ADAM12: variants seen among roughly 807,000 people sequenced by gnomAD.
ADAM12 encodes ADAM metallopeptidase domain 12.
Under a neutral mutation model 106.4 loss-of-function variants are expected in ADAM12, and 70 were observed. The ratio of observed to expected loss-of-function variants is 0.66; its 90% CI spans 0.54 to 0.80. ADAM12 has a LOEUF of 0.80. ADAM12 is among the 30% of genes least tolerant of loss of function. ADAM12 has a pLI of 0.00. For missense variants in ADAM12, 1,010 were observed against 1,171.9 expected (o/e 0.86, Z 2.02); for synonymous variants, 420 against 433.5 (o/e 0.97, Z 0.39).
intron 1 of ADAM12, among the ~76,000 whole-genome samples, chr10:126,382,945 A>G (rs1456108745): frequency 6.6e-6 from 1 of 152,148 alleles, no homozygotes; most frequent in Non-Finnish European, 1.5e-5. Context: ...ATAAAATTTA[A>G]AATTATTTAT....
chr10:126,223,626 C>G (rs141802346), intron 3 of ADAM12, among the ~76,000 whole-genome samples: 33 of 152,190 alleles, frequency 2.2e-4, no homozygotes, highest in Non-Finnish European at 4.1e-4. Flanking sequence ...CTCTATAGTA[C>G]GAGAAGAGCA....
intron 22 of ADAM12, among the ~76,000 whole-genome samples, chr10:126,018,428 C>T (rs551196657): frequency 1.3e-5 from 2 of 152,268 alleles, no homozygotes; most frequent in East Asian, 3.9e-4. Context: ...TTCAAGCTAC[C>T]ACCTGACATC....
At chr10:126,309,822 T>C (rs1251533909) in intron 2 of ADAM12, among the ~76,000 whole-genome samples, 2 of 152,120 alleles carry the variant, frequency 1.3e-5, no homozygotes, top group Admixed American at 6.6e-5. Flanking sequence ...TTGCAAAATA[T>C]TAGAACTGCA....
rs931556920 is a variant in ADAM12, at chr10:126,014,303, G to C, written c.*2976C>G. The C allele has an allele frequency of 9.1e-6, 1 of 109,816 alleles. No individual in the cohort carries two copies. Among genetic ancestry groups the C allele is most frequent in the Non-Finnish European group, 1.9e-5 (1 of 54,014 alleles). The allele number at this position is 109,816 out of a possible 1,614,324, so 6.8% of individuals were successfully genotyped here. A position where few individuals can be genotyped will look rare whatever the true frequency, so the allele number is the denominator to read the frequency against. On this transcript the variant is annotated 3_prime_UTR_variant, in exon 23 of 23. Coordinates refer to ENST00000448723, the MANE Select transcript of ADAM12 (RefSeq NM_001288973.2). ...GGCTCCTTAAGAACATTTTGACACA[G>C]TTTTAGCCGGTTTTTTTTTTTTTTT...
intron 3 of ADAM12, among the ~76,000 whole-genome samples, chr10:126,249,689 G>A (rs1350744578): frequency 2.0e-5 from 3 of 152,076 alleles, no homozygotes; most frequent in Admixed American, 6.5e-5. Context: ...GCCAGACTCC[G>A]TCTCAAAAAA....
chr10:126,138,210 G>A (rs1956441579), intron 4 of ADAM12, among the ~76,000 whole-genome samples: 1 of 152,110 alleles, frequency 6.6e-6, no homozygotes, highest in Admixed American at 6.5e-5. Flanking sequence ...TTGAAGAAAT[G>A]TCTACTCAAA....
At chr10:126,025,308 C>T (rs1953848076) in intron 21 of ADAM12, among the ~76,000 whole-genome samples, 1 of 152,098 alleles carries the variant, frequency 6.6e-6, no homozygotes, top group Non-Finnish European at 1.5e-5. Flanking sequence ...CATGATAAAA[C>T]AATACAGGAG....
At chr10:126,047,527 T>C (rs1408788360) in intron 16 of ADAM12, among the ~76,000 whole-genome samples, 3 of 152,078 alleles carry the variant, frequency 2.0e-5, no homozygotes, top group African/African-American at 7.3e-5. Flanking sequence ...ACAAATTTGA[T>C]GATAAATTGA....
chr10:126,209,466 AAAAT>A (rs1297049627), intron 3 of ADAM12, among the ~76,000 whole-genome samples: 6 of 152,248 alleles, frequency 3.9e-5, no homozygotes, highest in Non-Finnish European at 7.3e-5. Flanking sequence ...GATGGTGAGA[AAAAT>A]AAATCACTGG....
At chr10:126,169,223 A>G (rs923990833) in intron 3 of ADAM12, among the ~76,000 whole-genome samples, 1 of 151,998 alleles carries the variant, frequency 6.6e-6, no homozygotes, top group Non-Finnish European at 1.5e-5. Flanking sequence ...TGCCTCGCCA[A>G]CTCTTAGTAA....
chr10:126,366,713 T>A (rs1013977680), intron 1 of ADAM12, among the ~76,000 whole-genome samples: 2 of 151,984 alleles, frequency 1.3e-5, no homozygotes, highest in East Asian at 3.9e-4. Context: ...CTGAAAATTT[T>A]AAAAAATGAA....
At chr10:126,086,495 G>A (rs1302861107) in intron 11 of ADAM12, among the ~76,000 whole-genome samples, 2 of 148,844 alleles carry the variant, frequency 1.3e-5, no homozygotes, top group East Asian at 4.0e-4. Flanking sequence ...GGCCAACATG[G>A]TAAAACCCCA....
At chr10:126,018,187 T>G (rs1051922230) in intron 22 of ADAM12, among the ~76,000 whole-genome samples, 2 of 152,252 alleles carry the variant, frequency 1.3e-5, no homozygotes, top group Admixed American at 1.3e-4. Flanking sequence ...CCTTCAGAGA[T>G]ACAGGATTAC....
intron 1 of ADAM12, among the ~76,000 whole-genome samples, chr10:126,348,512 G>C (rs1370873953): frequency 1.3e-5 from 2 of 152,196 alleles, no homozygotes; most frequent in Non-Finnish European, 2.9e-5. Context: ...ACAAATGCAA[G>C]AGGGGGAGAT....
intron 1 of ADAM12, among the ~76,000 whole-genome samples, chr10:126,354,009 A>T (rs1002077597): frequency 2.5e-4 from 38 of 151,990 alleles, no homozygotes; most frequent in African/African-American, 8.2e-4. Context: ...GCCATATTTG[A>T]AATGTTTTTT....
At chr10:126,218,991 G>A (rs1289377471) in intron 3 of ADAM12, among the ~76,000 whole-genome samples, 1 of 152,168 alleles carries the variant, frequency 6.6e-6, no homozygotes, top group Non-Finnish European at 1.5e-5. Flanking sequence ...TCCCAGGCCT[G>A]CAAGGTAATG....
intron 3 of ADAM12, among the ~76,000 whole-genome samples, chr10:126,227,872 G>A (rs1161409323): frequency 2.0e-5 from 3 of 152,210 alleles, no homozygotes; most frequent in Non-Finnish European, 2.9e-5. Flanking sequence ...GGAGAGGACA[G>A]TGAGGAGGGA....
intron 1 of ADAM12, among the ~76,000 whole-genome samples, chr10:126,336,004 C>T (rs527456109): frequency 1.3e-5 from 2 of 152,268 alleles, no homozygotes; most frequent in East Asian, 3.9e-4. Flanking sequence ...CTGTCACAGA[C>T]AAGATGAACC....
intron 14 of ADAM12, among the ~76,000 whole-genome samples, chr10:126,055,212 A>T (rs1482676204): frequency 6.6e-6 from 1 of 152,138 alleles, no homozygotes; most frequent in Non-Finnish European, 1.5e-5. Flanking sequence ...CCCAAATCCC[A>T]GCTGGTTCTG....
Sources: allele counts gnomAD v4.1 joint callset (sites outside exome capture counted in the v4.1 genomes callset), GRCh38; gene constraint gnomAD v4.1.1; transcripts MANE v1.5; gene names NCBI Gene and HGNC (gene_info 2026-07-23, HGNC 2026-07-21).